Variants in RAB11FIP5 observed in about 807,000 individuals in gnomAD.
RAB11FIP5 encodes RAB11 family interacting protein 5.
RAB11FIP5 carries 48 observed loss-of-function variants against 85.1 expected under a neutral mutation model. The ratio of observed to expected loss-of-function variants is 0.56; its 90% CI spans 0.45 to 0.72. The LOEUF is 0.72. Ranked by LOEUF, RAB11FIP5 falls within the 30% of genes least tolerant of loss-of-function variation. The probability of loss-of-function intolerance (pLI) is 0.00; values close to 1 mark genes in which losing one functional copy is unlikely to be tolerated. For synonymous variants in RAB11FIP5, 729 were observed against 727.3 expected, an observed-to-expected ratio of 1.00 and a Z score of -0.04; for missense variants, 1,491 against 1,687.0, an observed-to-expected ratio of 0.88 and a Z score of 2.04.
intron 4 of RAB11FIP5, among the ~76,000 whole-genome samples, chr2:73,077,206 A>G (rs1361199704): frequency 1.3e-5 from 2 of 152,148 alleles, no homozygotes; most frequent in African/African-American, 4.8e-5. Flanking sequence ...CCTCAGGTGC[A>G]TCCCACTCCC....
At chr2:73,082,688 G>A (rs984789841) in intron 3 of RAB11FIP5, among the ~76,000 whole-genome samples, 18 of 152,324 alleles carry the variant, frequency 1.2e-4, no homozygotes, top group East Asian at 3.9e-4. Flanking sequence ...CTCTGGGGAC[G>A]GGGACAGGGC....
intron 1 of RAB11FIP5, among the ~76,000 whole-genome samples, chr2:73,111,899 T>C (rs1684662894): frequency 6.6e-6 from 1 of 152,164 alleles, no homozygotes; most frequent in Non-Finnish European, 1.5e-5. Flanking sequence ...GGAAGACACC[T>C]GGCTTTCCTT....
At chr2:73,085,987 G>C (rs1001627207) in intron 3 of RAB11FIP5, among the ~76,000 whole-genome samples, 15 of 152,142 alleles carry the variant, frequency 9.9e-5, no homozygotes, top group African/African-American at 3.6e-4. Flanking sequence ...CCTGCCATGA[G>C]GCAGCCCACC....
Position 73,073,491 on chromosome 2 carries a change from C to T in RAB11FIP5, c.*2030G>A, listed in dbSNP as rs965761107. ...AAACAGCAAAGCAGAACCATGCCTG[C>T]TCCCTGCCCAACCCACCTGCAACTT... On this transcript the variant is annotated 3_prime_UTR_variant, in exon 6 of 6. Coordinates refer to ENST00000486777, the MANE Select transcript of RAB11FIP5 (RefSeq NM_001371272.1). 4 of 152,844 alleles carry T rather than the reference C, an allele frequency of 2.6e-5. No individual in the cohort carries two copies. The highest frequency in any genetic ancestry group is 3.9e-4 in the East Asian group (2 of 5,190). 9.5% of individuals were successfully genotyped at this position (152,844 alleles called of 1,614,324 possible). A position where few individuals can be genotyped will look rare whatever the true frequency, so the allele number is the denominator to read the frequency against.
At chr2:73,076,699 C>T (rs1683870204) in intron 4 of RAB11FIP5, among the ~76,000 whole-genome samples, 1 of 152,204 alleles carries the variant, frequency 6.6e-6, no homozygotes, top group African/African-American at 2.4e-5. Flanking sequence ...TTCCCATCAG[C>T]ATTTACATAG....
In RAB11FIP5 at chr2:73,112,857, G is replaced by A. The variant is rs1684698667; in HGVS notation, c.-80C>T. 1 of 1,295,152 alleles carries A rather than the reference G, an allele frequency of 7.7e-7. No homozygotes were observed. The highest frequency in any genetic ancestry group is 2.0e-5 in the South Asian group (1 of 49,104). 80.2% of individuals were successfully genotyped at this position (1,295,152 alleles called of 1,614,324 possible). On this transcript the variant is annotated 5_prime_UTR_variant, in exon 1 of 6. Coordinates refer to ENST00000486777, the MANE Select transcript of RAB11FIP5 (RefSeq NM_001371272.1). ...GTGACAAACCCGGCCGCGGCAGAAG[G>A]CGGTCAGGAACCAACTCTGAGCGCC... is the stretch of plus-strand genomic sequence containing the variant.
intron 1 of RAB11FIP5, among the ~76,000 whole-genome samples, chr2:73,097,215 T>G (rs1056434635): frequency 2.0e-5 from 3 of 152,150 alleles, no homozygotes; most frequent in Non-Finnish European, 4.4e-5. Context: ...TTTTGTATTT[T>G]TAGTAGAGAC....
At position 73,079,906 on chromosome 2, in the gene RAB11FIP5, G is replaced by C. The variant is rs1459911925; in HGVS notation, c.3326C>G (p.Pro1109Arg). 5 of 1,232,268 alleles carry C rather than the reference G, an allele frequency of 4.1e-6. No individual in the cohort carries two copies. The highest frequency in any genetic ancestry group is 4.2e-5 in the Admixed American group (1 of 23,710). The allele number at this position is 1,232,268 out of a possible 1,614,324, so 76.3% of individuals were successfully genotyped here. ...GTGGTGGCTGGCCCAAGGCGGGAGA[G>C]GGGGCGGTGGAAAGTCAGGCTCTGG... The part of the protein sequence containing the change: ...TPPEPDFPPP[P>R]LPPWASHHRG... The change falls in exon 4 of 6, where the codon CCT (proline) becomes CGT (arginine). Residue 1109 changes from proline to arginine, a missense_variant. Around this residue, in one of 3 missense-constraint regions of RAB11FIP5, gnomAD observed 48 missense variants for 89.9 expected, o/e 0.53. Transcript: ENST00000486777.
chr2:73,088,163 T>G lies in RAB11FIP5; in HGVS notation c.1455A>C (p.Glu485Asp). The change falls in exon 3 of 6, where the codon GAA becomes GAC. Residue 485 changes from glutamate to aspartate, a missense_variant. Physicochemically the swap from Glu to Asp is conservative, Grantham distance 45. Around this residue, in one of 3 missense-constraint regions of RAB11FIP5, gnomAD observed 1,211 missense variants for 1,338.0 expected, o/e 0.91. Transcript: ENST00000486777. ...AGGCCCCCAGGATGGGACCCCCCTT[T>G]TCCCCCAGAGAGCTTCGGCGACCCA... ...SELGRRSSLG[E>D]KGGPILGASP... 1.2e-6 allele frequency: 2 copies of G among 1,614,026 alleles called. No individual in the cohort carries two copies. Among genetic ancestry groups the G allele is most frequent in the African/African-American group, 2.7e-5 (2 of 75,040 alleles).
Position 73,088,154 on chromosome 2 carries a change from A to AC in RAB11FIP5, c.1463dup (p.Pro489SerfsTer20), listed in dbSNP as rs1377849980. 5.6e-6 allele frequency: 9 copies of AC among 1,613,546 alleles called. No homozygotes were observed. The highest frequency in any genetic ancestry group is 1.1e-5 in the South Asian group (1 of 91,050). On this transcript the variant is annotated frameshift_variant, in exon 3 of 6. Transcript: ENST00000486777. LOFTEE classifies it high-confidence loss of function. Reference sequence around the variant, plus strand: ...GATGTGGGGAGGCCCCCAGGATGGGACCCCCCTTTTCCCCCAGAGAGCTTC... The same window carrying AC: ...GATGTGGGGAGGCCCCCAGGATGGGACCCCCCCTTTTCCCCCAGAGAGCTTC...
intron 1 of RAB11FIP5, 88 bp downstream of exon 1, chr2:73,112,259 C>T: frequency 7.4e-7 from 1 of 1,351,504 alleles, no homozygotes; most frequent in Non-Finnish European, 9.6e-7. Flanking sequence ...GGCTCACTGG[C>T]CCGGCTGAAG....
At chr2:73,108,522 C>T (rs1397431556) in intron 1 of RAB11FIP5, among the ~76,000 whole-genome samples, 1 of 152,212 alleles carries the variant, frequency 6.6e-6, no homozygotes, top group African/African-American at 2.4e-5. Flanking sequence ...TGGCAGATGC[C>T]CTGTCTTCTT....
intron 1 of RAB11FIP5, among the ~76,000 whole-genome samples, chr2:73,092,301 G>C (rs182665968): frequency 1.6e-3 from 251 of 152,316 alleles, no homozygotes; most frequent in Non-Finnish European, 3.0e-3. Context: ...GGGGCAGACA[G>C]GTCAGGGGCC....
At position 73,081,434 on chromosome 2, in the gene RAB11FIP5, G is replaced by C. The variant is rs1001162511; in HGVS notation, c.1798C>G (p.Leu600Val). The change falls in exon 4 of 6, where the codon CTC becomes GTC. Residue 600 changes from leucine (L) to valine (V), a missense_variant. Transcript: ENST00000486777. This position sits in a 1 kb window ranked among gnomAD's most constrained non-coding sequence, Gnocchi z 4.2. ...PGLLGLTNPFLTSLQSNPFFE... is the reference protein window; with the variant it reads ...PGLLGLTNPFVTSLQSNPFFE... ...AAGGGGTTGCTCTGCAAAGAGGTGA[G>C]GAACGGGTTGGTAAGACCCAATAAT... The C allele has an allele frequency of 1.6e-6, 2 of 1,232,842 alleles. No individual in the cohort carries two copies. The highest frequency in any genetic ancestry group is 3.1e-5 in the African/African-American group (2 of 64,426). The allele number at this position is 1,232,842 out of a possible 1,614,324, so 76.4% of individuals were successfully genotyped here. A position where few individuals can be genotyped will look rare whatever the true frequency, so the allele number is the denominator to read the frequency against.
intron 1 of RAB11FIP5, among the ~76,000 whole-genome samples, chr2:73,106,508 C>G (rs1386545345): frequency 6.6e-6 from 1 of 152,222 alleles, no homozygotes; most frequent in Non-Finnish European, 1.5e-5. Context: ...ATCTCTCCCC[C>G]ACCAGTGGCC....
At chr2:73,111,867 C>T (rs998461101) in intron 1 of RAB11FIP5, among the ~76,000 whole-genome samples, 2 of 152,162 alleles carry the variant, frequency 1.3e-5, no homozygotes, top group Admixed American at 6.5e-5. Context: ...GCGGGGTAAT[C>T]AACATTCAAC....
chr2:73,089,310 T>C lies in RAB11FIP5; in HGVS notation c.437A>G (p.Tyr146Cys). 6.2e-7 allele frequency: 1 copy of C among 1,613,470 alleles called. No individual in the cohort carries two copies. Among genetic ancestry groups the C allele is most frequent in the Non-Finnish European group, 8.5e-7 (1 of 1,179,972 alleles). Residue 146 changes from tyrosine (Y) to cysteine (C), a missense_variant, in exon 2 of 6, where the codon TAC becomes TGC. Physicochemically the swap from Tyr to Cys is radical, Grantham distance 194. Around this residue, in one of 3 missense-constraint regions of RAB11FIP5, gnomAD observed 1,211 missense variants for 1,338.0 expected, o/e 0.91. Transcript: ENST00000486777. The surrounding 1 kb of genome is among the most constrained non-coding windows in gnomAD (Gnocchi z 4.6). ...CTTGCCTGGCTTGGAGTGCAGCTTG[T>C]ACCACCTGTGAGAAGAGGGGAGCAG... Reference protein sequence around the residue: ...GAGRAQHTQWYKLHSKPGKKE... With the variant: ...GAGRAQHTQWCKLHSKPGKKE...
Position 73,112,500 on chromosome 2 carries a change from G to C in RAB11FIP5, c.278C>G (p.Ala93Gly), listed in dbSNP as rs1312076496. 6.7e-7 allele frequency: 1 copy of C among 1,494,678 alleles called. No homozygotes were observed. The highest frequency in any genetic ancestry group is 8.9e-7 in the Non-Finnish European group (1 of 1,125,046). The allele number at this position is 1,494,678 out of a possible 1,614,324, so 92.6% of individuals were successfully genotyped here. ...DGLLRAQEAD[A>G]GPAPWAASSA... ...GCTCGCGGCCCAGGGCGCCGGGCCC[G>C]CGTCGGCCTCCTGCGCCCGCAGCAG... The change falls in exon 1 of 6, where the codon GCG becomes GGG. Residue 93 changes from alanine to glycine, a missense_variant. Coordinates refer to ENST00000486777, the MANE Select transcript of RAB11FIP5 (RefSeq NM_001371272.1).
intron 1 of RAB11FIP5, among the ~76,000 whole-genome samples, chr2:73,107,512 C>T (rs950734081): frequency 6.6e-6 from 1 of 152,144 alleles, no homozygotes; most frequent in Non-Finnish European, 1.5e-5. Context: ...GGGCTGACCA[C>T]AGGCCCCTTG....
Sources: gnomAD v4.1 joint callset for allele counts (sites outside exome capture counted in the v4.1 genomes callset) on GRCh38, gnomAD v4.1.1 for gene constraint, gnomAD v4.1.1 regional missense constraint, Gnocchi (gnomAD v3.1) non-coding constraint, MANE v1.5 for transcripts, NCBI Gene and HGNC (gene_info 2026-07-23, HGNC 2026-07-21) for gene names.